Variants in CRTAP observed in about 807,000 individuals in gnomAD.
CRTAP encodes cartilage associated protein.
In CRTAP, 33 loss-of-function variants were observed where a neutral mutation model predicts 42.7. The ratio of observed to expected loss-of-function variants is 0.77; its 90% CI spans 0.59 to 1.03. The LOEUF (loss-of-function observed/expected upper bound fraction) is 1.03. CRTAP is among the 50% of genes least tolerant of loss of function. CRTAP has a pLI of 0.00. For synonymous variants in CRTAP, 243 were observed against 217.7 expected, an observed-to-expected ratio of 1.12 and a Z score of -1.02; for missense variants, 613 against 533.9, an observed-to-expected ratio of 1.15 and a Z score of -1.46.
Position 33,142,631 on chromosome 3 carries a change from C to G in CRTAP, c.*183C>G, listed in dbSNP as rs1007306933. 8 of 599,696 alleles carry G rather than the reference C, an allele frequency of 1.3e-5. No individual in the cohort carries two copies. Among genetic ancestry groups the G allele is most frequent in the African/African-American group, 1.3e-4 (7 of 53,686 alleles). 37.1% of individuals were successfully genotyped at this position (599,696 alleles called of 1,614,324 possible). On this transcript the variant is annotated 3_prime_UTR_variant, in exon 7 of 7. Transcript: ENST00000320954. ...GAGCCTGCCTTTCCTATCTTCACAC[C>G]TGCCACCTCATGTTCACACCTATCT...
intron 4 of CRTAP, among the ~76,000 whole-genome samples, chr3:33,132,300 C>G (rs781074216): frequency 6.6e-6 from 1 of 152,140 alleles, no homozygotes; most frequent in African/African-American, 2.4e-5. Context: ...CTCAGGTCAC[C>G]AGAGCTGGAA....
chr3:33,139,577 A>C (rs2030517524), intron 6 of CRTAP, among the ~76,000 whole-genome samples: 1 of 151,704 alleles, frequency 6.6e-6, no homozygotes, highest in African/African-American at 2.4e-5. Flanking sequence ...CCCAGGTTCA[A>C]GTGATTCTCC....
Position 33,144,881 on chromosome 3 carries a change from TTTC to T in CRTAP, c.*2436_*2438del, listed in dbSNP as rs1034739279. ...GAGTGTGGTGTTCTGGAAGCTGAGC[TTTC>T]TTTATTCAACCTCATTCCCTTCTCC... On this transcript the variant is annotated 3_prime_UTR_variant, in exon 7 of 7. Transcript: ENST00000320954. 1 of 152,232 alleles carries T rather than the reference TTTC, an allele frequency of 6.6e-6. No homozygotes were observed. The highest frequency in any genetic ancestry group is 1.5e-5 in the Non-Finnish European group (1 of 68,056). The allele number at this position is 152,232 out of a possible 1,614,324, so 9.4% of individuals were successfully genotyped here.
chr3:33,137,861 A>T (rs1166422771), intron 6 of CRTAP, among the ~76,000 whole-genome samples: 1 of 152,102 alleles, frequency 6.6e-6, no homozygotes, highest in African/African-American at 2.4e-5. Flanking sequence ...AACCCATTTG[A>T]GTTAATTTTA....
In CRTAP at chr3:33,142,520, CA is replaced by C; in HGVS notation, c.*73del. On this transcript the variant is annotated 3_prime_UTR_variant, in exon 7 of 7. Coordinates refer to ENST00000320954, the MANE Select transcript of CRTAP (RefSeq NM_006371.5). ...ATTCTTTGTCCTTTTCCCAACAGCC[CA>C]GGCTGTTGATACCTCAGAGCCTTCT... The C allele has an allele frequency of 6.9e-7, 1 of 1,443,722 alleles. No individual in the cohort carries two copies. Among genetic ancestry groups the C allele is most frequent in the Non-Finnish European group, 9.8e-7 (1 of 1,025,596 alleles). 89.4% of individuals were successfully genotyped at this position (1,443,722 alleles called of 1,614,324 possible).
chr3:33,120,633 T>A, intron 2 of CRTAP, 140 bp downstream of exon 2: 1 of 1,320,224 alleles, frequency 7.6e-7, no homozygotes, highest in South Asian at 1.4e-5. Flanking sequence ...TAGAAATGAT[T>A]GACTTTTAGC....
chr3:33,130,627 G>A lies in CRTAP; in HGVS notation c.922+560G>A, dbSNP rs186540022. On this transcript the variant is annotated intron_variant, in intron 4 of 6. Transcript: ENST00000320954. ...GACTTACTGCAACCTCCGCCTCCCA[G>A]GTTCAAGTGATTCCCCTTCCTCAGC... Among the ~76,000 whole-genome samples, 364 of 145,626 alleles carry A rather than the reference G, an allele frequency of 2.5e-3. 2 individuals carry two copies. The highest frequency in any genetic ancestry group is 0.011 in the Middle Eastern group (3 of 276).
intron 1 of CRTAP, among the ~76,000 whole-genome samples, chr3:33,118,034 C>T (rs1011308799): frequency 6.6e-6 from 1 of 151,494 alleles, no homozygotes. Flanking sequence ...GATCCTGGCT[C>T]ACTGCAACCT....
At chr3:33,120,232 T>A in intron 1 of CRTAP, 112 bp from the exon 2 acceptor site, 1 of 992,878 alleles carries the variant, frequency 1.0e-6, no homozygotes, top group Non-Finnish European at 1.6e-6. Flanking sequence ...AACCTTTAGC[T>A]GGAAAAGTTA....
At chr3:33,122,293 G>T (rs900579206) in intron 2 of CRTAP, among the ~76,000 whole-genome samples, 6 of 151,758 alleles carry the variant, frequency 4.0e-5, no homozygotes, top group Admixed American at 2.0e-4. Context: ...CTGCTGCCCC[G>T]CTGCTTCTGC....
intron 4 of CRTAP, 147 bp downstream of exon 4, chr3:33,130,214 A>G (rs1250013347): frequency 6.1e-6 from 5 of 816,632 alleles, no homozygotes; most frequent in Non-Finnish European, 1.0e-5. Context: ...AAAAGGCAGC[A>G]TGGCTTAGTG....
chr3:33,114,835 T>A (rs142873766), intron 1 of CRTAP, among the ~76,000 whole-genome samples: 52 of 152,386 alleles, frequency 3.4e-4, no homozygotes, highest in Non-Finnish European at 5.6e-4. Flanking sequence ...TCTCTGTTAT[T>A]TGAGGGCAGA....
At chr3:33,115,165 C>T (rs1701329114) in intron 1 of CRTAP, 1 of 152,232 alleles carries the variant, frequency 6.6e-6, no homozygotes, top group Non-Finnish European at 1.5e-5. Context: ...AGGCTGATCT[C>T]GAACTCCCGG....
At chr3:33,130,961 G>T (rs535745366) in intron 4 of CRTAP, among the ~76,000 whole-genome samples, 1 of 152,156 alleles carries the variant, frequency 6.6e-6, no homozygotes, top group Non-Finnish European at 1.5e-5. Context: ...CAGAGCCTGC[G>T]TGTTTCGGCT....
At chr3:33,134,028 T>G (rs1210691191) in intron 5 of CRTAP, among the ~76,000 whole-genome samples, 154 bp from the exon 6 acceptor site, 1 of 152,238 alleles carries the variant, frequency 6.6e-6, no homozygotes, top group Non-Finnish European at 1.5e-5. Context: ...ATTCAGTGGT[T>G]GTTAGTATAT....
In CRTAP at chr3:33,114,129, G is replaced by C. The variant is rs771702894; in HGVS notation, c.52G>C (p.Ala18Pro). The change falls in exon 1 of 7, where the codon GCC becomes CCC. Residue 18 changes from alanine (A) to proline (P), a missense_variant. Physicochemically the swap from Ala to Pro is conservative, Grantham distance 27. Transcript: ENST00000320954. ...GGCGCTGCTAGCGCTGCTGTGCGTGGCCTGCGCGCTGCGCGCCGGGCGCGC... is the reference window on the plus strand; with the variant it reads ...GGCGCTGCTAGCGCTGCTGTGCGTGCCCTGCGCGCTGCGCGCCGGGCGCGC... The part of the protein sequence containing the change: ...AAALLALLCV[A>P]CALRAGRAQY... 1 of 1,563,218 alleles carries C rather than the reference G, an allele frequency of 6.4e-7. No homozygotes were observed. Among genetic ancestry groups the C allele is most frequent in the South Asian group, 1.2e-5 (1 of 86,292 alleles).
chr3:33,128,439 A>G (rs1324467161), intron 3 of CRTAP, among the ~76,000 whole-genome samples: 1 of 152,034 alleles, frequency 6.6e-6, no homozygotes, highest in African/African-American at 2.4e-5. Flanking sequence ...ACATTCCTCA[A>G]TTTGGGTTTC....
At chr3:33,120,222 A>T in intron 1 of CRTAP, 122 bp from the exon 2 acceptor site, 1 of 909,522 alleles carries the variant, frequency 1.1e-6, no homozygotes, top group Non-Finnish European at 1.8e-6. Flanking sequence ...GAAGTCATGG[A>T]ACCTTTAGCT....
Position 33,142,525 on chromosome 3 carries a change from T to G in CRTAP, c.*77T>G. On this transcript the variant is annotated 3_prime_UTR_variant, in exon 7 of 7. Transcript: ENST00000320954. Reference sequence around the variant, plus strand: ...TTGTCCTTTTCCCAACAGCCCAGGCTGTTGATACCTCAGAGCCTTCTCTTT... The same window carrying G: ...TTGTCCTTTTCCCAACAGCCCAGGCGGTTGATACCTCAGAGCCTTCTCTTT... 7.3e-7 allele frequency: 1 copy of G among 1,375,676 alleles called. No individual in the cohort carries two copies. The highest frequency in any genetic ancestry group is 1.0e-6 in the Non-Finnish European group (1 of 963,668). The allele number at this position is 1,375,676 out of a possible 1,614,324, so 85.2% of individuals were successfully genotyped here. A position where few individuals can be genotyped will look rare whatever the true frequency, so the allele number is the denominator to read the frequency against.
Sources: gnomAD v4.1 joint callset for allele counts (sites outside exome capture counted in the v4.1 genomes callset) on GRCh38, gnomAD v4.1.1 for gene constraint, MANE v1.5 for transcripts, NCBI Gene and HGNC (gene_info 2026-07-23, HGNC 2026-07-21) for gene names.